RBFOX1: variants seen among roughly 807,000 people sequenced by gnomAD.
RBFOX1 encodes RNA binding fox-1 homolog 1.
Under a neutral mutation model 57.7 loss-of-function variants are expected in RBFOX1, and 8 were observed. The ratio of observed to expected loss-of-function variants is 0.14; its 90% CI spans 0.08 to 0.25. The LOEUF is 0.25. Among genes scored for constraint, RBFOX1 ranks in the 10% least tolerant of loss-of-function variants. The pLI is 1.00. For missense variants in RBFOX1, 611 were observed against 548.5 expected (o/e 1.11, Z -1.14); for synonymous variants, 326 against 222.4 (o/e 1.47, Z -4.15).
At chr16:5,489,308 T>C (rs1452898431) in intron 2 of RBFOX1, among the ~76,000 whole-genome samples, 1 of 152,226 alleles carries the variant, frequency 6.6e-6, no homozygotes, top group Non-Finnish European at 1.5e-5. Flanking sequence ...ATTATTAGCT[T>C]CCTTGGAAGG....
chr16:6,747,316 A>T (rs2073911078), intron 3 of RBFOX1, among the ~76,000 whole-genome samples: 1 of 152,080 alleles, frequency 6.6e-6, no homozygotes, highest in Non-Finnish European at 1.5e-5. Flanking sequence ...CTGAGGCAGG[A>T]CAATTGCTTG....
At chr16:6,448,768 A>T (rs1173831945) in intron 2 of RBFOX1, among the ~76,000 whole-genome samples, 5 of 152,256 alleles carry the variant, frequency 3.3e-5, no homozygotes, top group African/African-American at 1.2e-4. Context: ...ATCCTGCAGT[A>T]TTTTTTTGTG....
At chr16:5,883,852 G>C (rs899886738) in intron 4 of RBFOX1, among the ~76,000 whole-genome samples, 1 of 152,088 alleles carries the variant, frequency 6.6e-6, no homozygotes, top group Non-Finnish European at 1.5e-5. Context: ...CTAATGCTGT[G>C]GTTTAAATAA....
rs1378397799 is a variant in RBFOX1 at position 7,712,140 on chromosome 16, TTC to T, written c.*1397_*1398del. 6.6e-6 allele frequency: 1 copy of T among 152,630 alleles called. No homozygotes were observed. Among genetic ancestry groups the T allele is most frequent in the East Asian group, 1.9e-4 (1 of 5,186 alleles). 9.5% of individuals were successfully genotyped at this position (152,630 alleles called of 1,614,324 possible). A position where few individuals can be genotyped will look rare whatever the true frequency, so the allele number is the denominator to read the frequency against. On this transcript the variant is annotated 3_prime_UTR_variant, in exon 16 of 16. Coordinates refer to ENST00000550418, the MANE Select transcript of RBFOX1 (RefSeq NM_018723.4). ...CCGAAAAATTGCAGTTTGTCTGTACTTCTGTTTGAACTTTCCACGTTGTCCTG... is the reference window on the plus strand; with the variant it reads ...CCGAAAAATTGCAGTTTGTCTGTACTTGTTTGAACTTTCCACGTTGTCCTG...
At chr16:6,852,690 C>T (rs761705095) in intron 3 of RBFOX1, among the ~76,000 whole-genome samples, 4 of 150,370 alleles carry the variant, frequency 2.7e-5, no homozygotes, top group African/African-American at 4.9e-5. Context: ...AGGTGAGGTG[C>T]ATGCCAGGAA....
At chr16:7,675,288 T>C (rs760938133) in intron 13 of RBFOX1, among the ~76,000 whole-genome samples, 1 of 152,146 alleles carries the variant, frequency 6.6e-6, no homozygotes, top group Non-Finnish European at 1.5e-5. Flanking sequence ...TTATAACTCC[T>C]CAGCACATTT....
At chr16:7,683,010 G>A (rs368154333) in intron 14 of RBFOX1, among the ~76,000 whole-genome samples, 1 of 4,902 alleles carries the variant, frequency 2.0e-4, no homozygotes, top group African/African-American at 4.2e-4. Context: ...GTGTGTGTGT[G>A]TATATATATA....
At chr16:7,479,815 G>A (rs977502864) in intron 4 of RBFOX1, among the ~76,000 whole-genome samples, 1 of 152,202 alleles carries the variant, frequency 6.6e-6, no homozygotes, top group African/African-American at 2.4e-5. Flanking sequence ...AACAAAGCTA[G>A]ATGTGAAGAG....
intron 2 of RBFOX1, among the ~76,000 whole-genome samples, chr16:6,545,618 C>G (rs774276974): frequency 1.3e-5 from 2 of 152,228 alleles, no homozygotes; most frequent in Non-Finnish European, 2.9e-5. Flanking sequence ...AAAGATCTCA[C>G]TGTACTAATT....
At chr16:5,618,167 C>T (rs1004970797) in intron 3 of RBFOX1, among the ~76,000 whole-genome samples, 7 of 152,214 alleles carry the variant, frequency 4.6e-5, no homozygotes, top group Non-Finnish European at 8.8e-5. Context: ...GCTCTCCCTA[C>T]TCTGTCGTCT....
Position 5,946,273 on chromosome 16 carries a change from A to T in RBFOX1, c.351+78938A>T, listed in dbSNP as rs1035084089. ...CTCAGCTTTCTAATCTGTAAAAGGG[A>T]CACAATCATAGGACCTCCCTCATAG... is the stretch of plus-strand genomic sequence containing the variant. On this transcript the variant is annotated intron_variant, in intron 4 of 19. Coordinates refer to the RBFOX1 transcript ENST00000641259. This position sits in a 1 kb window ranked among gnomAD's most constrained non-coding sequence, Gnocchi z 4.6. 2.0e-5 allele frequency among the ~76,000 whole-genome samples: 3 copies of T among 152,170 alleles called. No individual in the cohort carries two copies. Among genetic ancestry groups the T allele is most frequent in the African/African-American group, 7.2e-5 (3 of 41,416 alleles).
At chr16:5,710,525 G>C (rs535068611) in intron 3 of RBFOX1, among the ~76,000 whole-genome samples, 1 of 152,292 alleles carries the variant, frequency 6.6e-6, no homozygotes, top group East Asian at 1.9e-4. Context: ...AGGATGGCAG[G>C]CCTGGCACAT....
chr16:5,488,986 T>A (rs1486009140), intron 2 of RBFOX1, among the ~76,000 whole-genome samples: 1 of 151,312 alleles, frequency 6.6e-6, no homozygotes, highest in Non-Finnish European at 1.5e-5. Flanking sequence ...TTTGCAAGTG[T>A]TCTGGTAAAT....
intron 2 of RBFOX1, among the ~76,000 whole-genome samples, chr16:6,626,235 G>A (rs1468909599): frequency 6.8e-6 from 1 of 146,590 alleles, no homozygotes; most frequent in African/African-American, 2.5e-5. Flanking sequence ...CTGATTTTGT[G>A]TCCTGTTCAA....
chr16:7,198,912 TTC>T (rs1360032104), intron 4 of RBFOX1, among the ~76,000 whole-genome samples: 3 of 152,172 alleles, frequency 2.0e-5, no homozygotes, highest in Non-Finnish European at 2.9e-5. Flanking sequence ...GGCTGCCTTG[TTC>T]ACAGTTTGCT....
intron 4 of RBFOX1, among the ~76,000 whole-genome samples, chr16:7,362,252 TTG>T (rs1329139991): frequency 1.3e-5 from 2 of 151,654 alleles, no homozygotes; most frequent in Non-Finnish European, 2.9e-5. Flanking sequence ...AGTATATTTT[TTG>T]TTAGTATGTG....
chr16:6,453,589 A>G (rs1363381461), intron 2 of RBFOX1, among the ~76,000 whole-genome samples: 1 of 152,174 alleles, frequency 6.6e-6, no homozygotes. Flanking sequence ...TCACAGTAGA[A>G]TTCTACCAGA....
chr16:7,656,261 G>C lies in RBFOX1; in HGVS notation c.890+2314G>C, dbSNP rs145732060. 3.0e-3 allele frequency among the ~76,000 whole-genome samples: 464 copies of C among 152,290 alleles called. 3 individuals are homozygous for C. Among genetic ancestry groups the C allele is most frequent in the Non-Finnish European group, 5.3e-3 (359 of 68,026 alleles). ...GAAGGAAATTCGTCTTGTTGCCTGG[G>C]TGTTTCACTGGATTACAGACTCCTG... On this transcript the variant is annotated intron_variant, in intron 12 of 15. Coordinates refer to ENST00000550418, the MANE Select transcript of RBFOX1 (RefSeq NM_018723.4).
chr16:6,470,463 T>C (rs2095147730), intron 2 of RBFOX1, among the ~76,000 whole-genome samples: 2 of 152,372 alleles, frequency 1.3e-5, no homozygotes, highest in South Asian at 2.1e-4. Flanking sequence ...CATTCTCCTA[T>C]GTTGGCTTGG....
Sources: gnomAD v4.1 joint callset for allele counts (sites outside exome capture counted in the v4.1 genomes callset) on GRCh38, gnomAD v4.1.1 for gene constraint, Gnocchi (gnomAD v3.1) non-coding constraint, MANE v1.5 for transcripts, NCBI Gene and HGNC (gene_info 2026-07-23, HGNC 2026-07-21) for gene names.